Variants in RTN3 observed in about 807,000 individuals in gnomAD.
RTN3 encodes the protein reticulon-3.
In RTN3, 49 loss-of-function variants were observed where a neutral mutation model predicts 77.8. The ratio of observed to expected loss-of-function variants is 0.63; its 90% CI spans 0.50 to 0.80. The LOEUF (loss-of-function observed/expected upper bound fraction) is 0.80. RTN3 is among the 30% of genes least tolerant of loss of function. The probability of loss-of-function intolerance (pLI) is 0.00; values close to 1 mark genes in which losing one functional copy is unlikely to be tolerated. For missense variants in RTN3, 1,236 were observed against 1,211.9 expected, an observed-to-expected ratio of 1.02 and a Z score of -0.29; for synonymous variants, 464 against 446.9, an observed-to-expected ratio of 1.04 and a Z score of -0.48.
In RTN3 at chr11:63,700,282, C is replaced by CTTTTTTTTTTTTTTTT. The variant is rs753369954; in HGVS notation, c.143-4558_143-4557insTTTTTTTTTTTTTTTT. On this transcript the variant is annotated intron_variant, in intron 1 of 8. Coordinates refer to ENST00000377819, the MANE Select transcript of RTN3 (RefSeq NM_001265589.2). ...GAGATAGGAAAACATGATTCTTTTA[C>CTTTTTTTTTTTTTTTT]TTTTTTTTTTTAAGGTAAGGTCTCA... 4.5e-5 allele frequency among the ~76,000 whole-genome samples: 6 copies of CTTTTTTTTTTTTTTTT among 133,436 alleles called. 3 individuals carry two copies. Among genetic ancestry groups the CTTTTTTTTTTTTTTTT allele is most frequent in the Non-Finnish European group, 3.1e-5 (2 of 65,228 alleles). 87.5% of individuals were successfully genotyped at this position (133,436 alleles called of 152,430 possible). A position where few individuals can be genotyped will look rare whatever the true frequency, so the allele number is the denominator to read the frequency against.
At chr11:63,689,894 A>G (rs769163167) in intron 1 of RTN3, among the ~76,000 whole-genome samples, 11 of 151,918 alleles carry the variant, frequency 7.2e-5, no homozygotes, top group Non-Finnish European at 1.6e-4. Context: ...AGTAGGTGGG[A>G]TTGCAGGCTT....
intron 5 of RTN3, 139 bp downstream of exon 5, chr11:63,752,784 G>A (rs2014174878): frequency 1.1e-6 from 1 of 913,824 alleles, no homozygotes; most frequent in Non-Finnish European, 1.7e-6. Context: ...AATGGGATAG[G>A]TGTCACTAGA....
In RTN3 at chr11:63,758,334, T is replaced by C; in HGVS notation, c.*133T>C. 2 of 1,611,886 alleles carry C rather than the reference T, an allele frequency of 1.2e-6. No homozygotes were observed. The highest frequency in any genetic ancestry group is 1.7e-6 in the Non-Finnish European group (2 of 1,179,636). ...TCCAAGCTTTTTTTTTAATTTGGTG[T>C]TTTCTCCCATCCTTTCCCTTTAACC... On this transcript the variant is annotated 3_prime_UTR_variant, in exon 9 of 9. Transcript: ENST00000377819.
intron 2 of RTN3, among the ~76,000 whole-genome samples, chr11:63,716,835 G>A (rs1288494636): frequency 2.6e-5 from 4 of 152,026 alleles, no homozygotes; most frequent in Admixed American, 2.0e-4. Flanking sequence ...CAGGCGTGGC[G>A]GCGGGTGCCT....
intron 1 of RTN3, among the ~76,000 whole-genome samples, chr11:63,699,283 C>T (rs988915858): frequency 2.0e-5 from 3 of 150,956 alleles, no homozygotes; most frequent in Admixed American, 1.3e-4. Context: ...CCTGGGCGGG[C>T]GACAGAGCTG....
chr11:63,758,403 T>A lies in RTN3; in HGVS notation c.*202T>A. Reference sequence around the variant, plus strand: ...AATTGATGGACTGATAAAAGAACTATCTTAGAACTCAGAAGAAGAAAGAAT... The same window carrying A: ...AATTGATGGACTGATAAAAGAACTAACTTAGAACTCAGAAGAAGAAAGAAT... On this transcript the variant is annotated 3_prime_UTR_variant, in exon 9 of 9. Transcript: ENST00000377819. The A allele has an allele frequency of 7.0e-7, 1 of 1,435,078 alleles. No homozygotes were observed. Among genetic ancestry groups the A allele is most frequent in the Non-Finnish European group, 9.5e-7 (1 of 1,049,428 alleles). The allele number at this position is 1,435,078 out of a possible 1,614,324, so 88.9% of individuals were successfully genotyped here. A position where few individuals can be genotyped will look rare whatever the true frequency, so the allele number is the denominator to read the frequency against.
chr11:63,715,934 A>G (rs1045876315), intron 2 of RTN3, among the ~76,000 whole-genome samples: 1 of 152,208 alleles, frequency 6.6e-6, no homozygotes, highest in South Asian at 2.1e-4. Flanking sequence ...ACTGGGCTTC[A>G]TTTCTGTTAT....
chr11:63,721,792 G>T (rs562297997), intron 3 of RTN3, among the ~76,000 whole-genome samples: 67 of 152,136 alleles, frequency 4.4e-4, no homozygotes, highest in Admixed American at 2.6e-4. Context: ...AGCAATCAAA[G>T]ATAAAGGAAT....
At chr11:63,686,893 T>A (rs1372447444) in intron 1 of RTN3, among the ~76,000 whole-genome samples, 1 of 152,186 alleles carries the variant, frequency 6.6e-6, no homozygotes, top group African/African-American at 2.4e-5. Context: ...ACATTTTATA[T>A]GTTTGTTCAT....
chr11:63,703,736 G>T (rs1213398569), intron 1 of RTN3, among the ~76,000 whole-genome samples: 1 of 151,374 alleles, frequency 6.6e-6, no homozygotes, highest in Admixed American at 6.6e-5. Context: ...TAGAGACGGG[G>T]TTTCACCGTG....
chr11:63,693,596 G>GT (rs1941779566), intron 1 of RTN3, among the ~76,000 whole-genome samples: 1 of 152,128 alleles, frequency 6.6e-6, no homozygotes, highest in African/African-American at 2.4e-5. Context: ...TGTAAACTTT[G>GT]TTACATGCTT....
intron 3 of RTN3, among the ~76,000 whole-genome samples, chr11:63,725,595 C>A (rs1427729036): frequency 6.6e-6 from 1 of 152,082 alleles, no homozygotes; most frequent in Non-Finnish European, 1.5e-5. Flanking sequence ...ACTACAGGCG[C>A]CTGCTACCAC....
intron 1 of RTN3, among the ~76,000 whole-genome samples, chr11:63,701,204 T>C (rs1233919365): frequency 3.3e-5 from 5 of 152,202 alleles, no homozygotes; most frequent in Admixed American, 6.5e-5. Flanking sequence ...AGTATTGATA[T>C]CATTTTGTTG....
At chr11:63,709,534 TG>T (rs1238047229) in intron 2 of RTN3, among the ~76,000 whole-genome samples, 8 of 151,868 alleles carry the variant, frequency 5.3e-5, no homozygotes, top group African/African-American at 1.9e-4. Flanking sequence ...CCCTGAACTT[TG>T]GGGGCAAGCA....
chr11:63,683,355 T>C (rs1941169475), intron 1 of RTN3, among the ~76,000 whole-genome samples: 1 of 152,250 alleles, frequency 6.6e-6, no homozygotes, highest in African/African-American at 2.4e-5. Context: ...TTGTCATTGC[T>C]TACTGTTTGG....
intron 3 of RTN3, among the ~76,000 whole-genome samples, chr11:63,745,278 A>G (rs1404489343): frequency 1.3e-5 from 2 of 152,122 alleles, no homozygotes; most frequent in Admixed American, 6.5e-5. Context: ...GTTTAAGGGG[A>G]ATTATTAGGA....
At chr11:63,756,255 C>T in intron 8 of RTN3, 85 bp downstream of exon 8, 2 of 844,224 alleles carry the variant, frequency 2.4e-6, no homozygotes, top group South Asian at 1.6e-5. Flanking sequence ...AATGCAGATG[C>T]CAAGGAAAGT....
chr11:63,703,391 T>A (rs1257745466), intron 1 of RTN3, among the ~76,000 whole-genome samples: 1 of 152,106 alleles, frequency 6.6e-6, no homozygotes, highest in Admixed American at 6.6e-5. Flanking sequence ...TGCATGTAAC[T>A]TTAAAAAAAA....
At chr11:63,683,447 T>G (rs755427478) in intron 1 of RTN3, among the ~76,000 whole-genome samples, 1 of 152,244 alleles carries the variant, frequency 6.6e-6, no homozygotes. Flanking sequence ...TTTGGCTCTG[T>G]AAGCTCAAGA....
Sources: gnomAD v4.1 joint callset for allele counts (sites outside exome capture counted in the v4.1 genomes callset) on GRCh38, gnomAD v4.1.1 for gene constraint, MANE v1.5 for transcripts, NCBI Gene and HGNC (gene_info 2026-07-23, HGNC 2026-07-21) for gene names.